The following ERBB2 variants were observed in gnomAD, a reference collection of about 807,000 sequenced individuals.
ERBB2 encodes receptor tyrosine-protein kinase erbB-2.
ERBB2 carries 61 observed loss-of-function variants against 149.0 expected under a neutral mutation model. The ratio of observed to expected loss-of-function variants is 0.41; its 90% CI spans 0.33 to 0.51. The LOEUF (loss-of-function observed/expected upper bound fraction) is 0.51, where lower values mean the gene tolerates loss of function less well. Ranked by LOEUF, ERBB2 falls within the 20% of genes least tolerant of loss-of-function variation. ERBB2 has a pLI of 0.25. For missense variants in ERBB2, 1,205 were observed against 1,655.1 expected (o/e 0.73, Z 4.72); for synonymous variants, 633 against 678.8 (o/e 0.93, Z 1.05).
At chr17:39,694,219 AAAAAAAAATATATATATATAT>A (rs2057784635), upstream of ERBB2, among the ~76,000 whole-genome samples, 12 of 41,280 alleles carry the variant, frequency 2.9e-4, 1 homozygote, top group African/African-American at 1.6e-3. Flanking sequence ...AAAAAAAAAA[AAAAAAAAATATATATATATAT>A]ATATATATAT....
chr17:39,719,850 AG>A lies in ERBB2; in HGVS notation c.1946+18del, dbSNP rs564872635. 51 of 1,613,790 alleles carry A rather than the reference AG, an allele frequency of 3.2e-5. No homozygotes were observed. The South Asian group carries it at 5.3e-4, about 17-fold the overall frequency. Reference sequence around the variant, plus strand: ...AGAGAGCCAGGTTGGCCTGGACCCCAGGATGTACCCTTCATTGCCCTTCACT... The same window carrying A: ...AGAGAGCCAGGTTGGCCTGGACCCCAGATGTACCCTTCATTGCCCTTCACT... On this transcript the variant is annotated intron_variant, in intron 16 of 26. Coordinates refer to ENST00000269571, the MANE Select transcript of ERBB2 (RefSeq NM_004448.4).
In ERBB2 at chr17:39,727,197, T is replaced by G. The variant is rs2059817932; in HGVS notation, c.3160-98T>G. On this transcript the variant is annotated intron_variant, in intron 25 of 26. Transcript: ENST00000269571. This position sits in a 1 kb window ranked among gnomAD's most constrained non-coding sequence, Gnocchi z 4.3. ...CGGTGACTGTGTCATACCCCAAAGG[T>G]GACCTCTGTTTTTCTCCTGTGACCC... The G allele has an allele frequency of 1.4e-6, 2 of 1,456,478 alleles. No individual in the cohort carries two copies. The highest frequency in any genetic ancestry group is 1.2e-5 in the South Asian group (1 of 82,724). 90.2% of individuals were successfully genotyped at this position (1,456,478 alleles called of 1,614,324 possible).
upstream of ERBB2, among the ~76,000 whole-genome samples, chr17:39,694,243 A>ATGTGTG (rs1555612000): frequency 3.1e-5 from 1 of 32,568 alleles, no homozygotes; most frequent in Non-Finnish European, 6.8e-5. Flanking sequence ...ATATATATAT[A>ATGTGTG]TATATATATA....
chr17:39,723,795 A>G lies in ERBB2; in HGVS notation c.2209-117A>G. On this transcript the variant is annotated intron_variant, in intron 18 of 26. Transcript: ENST00000269571. The surrounding 1 kb of genome is among the most constrained non-coding windows in gnomAD (Gnocchi z 6.2). Reference sequence around the variant, plus strand: ...GGAGGGCAGTTACAGCGGAGAAGGGAGCGGGGCCAAGCCCTAGGGTGGTGA... The same window carrying G: ...GGAGGGCAGTTACAGCGGAGAAGGGGGCGGGGCCAAGCCCTAGGGTGGTGA... 1 of 1,478,846 alleles carries G rather than the reference A, an allele frequency of 6.8e-7. No individual in the cohort carries two copies. 91.6% of individuals were successfully genotyped at this position (1,478,846 alleles called of 1,614,324 possible).
intron 1 of ERBB2, among the ~76,000 whole-genome samples, chr17:39,700,908 C>T (rs961312763): frequency 1.3e-5 from 2 of 150,390 alleles, no homozygotes; most frequent in African/African-American, 2.4e-5. Flanking sequence ...AGGGTGGCCT[C>T]TTGCTGGGGT....
intron 9 of ERBB2, among the ~76,000 whole-genome samples, chr17:39,712,764 T>G (rs959628026): frequency 2.6e-5 from 4 of 152,090 alleles, no homozygotes; most frequent in Non-Finnish European, 5.9e-5. Context: ...CATCACTAGG[T>G]GAAGGAATAA....
In ERBB2 at chr17:39,723,325, G is replaced by T. The variant is rs1381740076; in HGVS notation, c.1953G>T (p.Leu651=). 3.7e-6 allele frequency: 6 copies of T among 1,613,842 alleles called. No individual in the cohort carries two copies. Among genetic ancestry groups the T allele is most frequent in the Non-Finnish European group, 5.1e-6 (6 of 1,179,916 alleles). ...GCPAEQRASP[L]TSIISAVVGI... is the part of the protein sequence containing the mutation. ...CCCTGGCTTCCGCCCCCAGCCCTCT[G>T]ACGTCCATCATCTCTGCGGTGGTTG... The change falls in exon 17 of 27, where the codon CTG becomes CTT. Residue 651 remains leucine, a synonymous_variant. Transcript: ENST00000269571. This position sits in a 1 kb window ranked among gnomAD's most constrained non-coding sequence, Gnocchi z 6.2.
rs2145812810 is a variant in ERBB2, at chr17:39,723,565, G to T, written c.2113G>T (p.Ala705Ser). The change falls in exon 18 of 27, where the codon GCG becomes TCG. Residue 705 changes from alanine (A) to serine (S), a missense_variant. Coordinates refer to ENST00000269571, the MANE Select transcript of ERBB2 (RefSeq NM_004448.4). This position sits in a 1 kb window ranked among gnomAD's most constrained non-coding sequence, Gnocchi z 6.2. ...ELVEPLTPSGAMPNQAQMRIL... is the reference protein window; with the variant it reads ...ELVEPLTPSGSMPNQAQMRIL... ...GGTGGAGCCGCTGACACCTAGCGGA[G>T]CGATGCCCAACCAGGCGCAGATGCG... The T allele has an allele frequency of 6.2e-7, 1 of 1,611,444 alleles. No individual in the cohort carries two copies. Among genetic ancestry groups the T allele is most frequent in the Non-Finnish European group, 8.5e-7 (1 of 1,178,844 alleles).
In ERBB2 at chr17:39,727,291, C is replaced by G. The variant is rs1267956817; in HGVS notation, c.3160-4C>G. Reference sequence around the variant, plus strand: ...CCCATCATGACTTTCTTTCTTGTCCCCAGAGTGGCGGTGGGGACCTGACAC... The same window carrying G: ...CCCATCATGACTTTCTTTCTTGTCCGCAGAGTGGCGGTGGGGACCTGACAC... On this transcript the variant is annotated splice_region_variant and splice_polypyrimidine_tract_variant and intron_variant, in intron 25 of 26. Transcript: ENST00000269571. This position sits in a 1 kb window ranked among gnomAD's most constrained non-coding sequence, Gnocchi z 4.3. 2 of 1,612,436 alleles carry G rather than the reference C, an allele frequency of 1.2e-6. No homozygotes were observed. Among genetic ancestry groups the G allele is most frequent in the Non-Finnish European group, 1.7e-6 (2 of 1,179,676 alleles).
chr17:39,721,525 C>T (rs769594167), intron 16 of ERBB2, among the ~76,000 whole-genome samples: 4 of 152,000 alleles, frequency 2.6e-5, no homozygotes, highest in Non-Finnish European at 5.9e-5. Flanking sequence ...CCACCTGCCT[C>T]GGCCTCCCAA....
intron 15 of ERBB2, among the ~76,000 whole-genome samples, chr17:39,718,155 G>A (rs750100180): frequency 1.3e-5 from 2 of 152,124 alleles, no homozygotes; most frequent in African/African-American, 2.4e-5. Flanking sequence ...CATACATATT[G>A]TTTGCAAATT....
Position 39,723,187 on chromosome 17 carries a change from G to T in ERBB2, c.1947-132G>T. ...CAAGGCAGGTTTTAGAGTAGGAGAG[G>T]GTCCAAGCCTGTGGGTCACCCTTCC... On this transcript the variant is annotated intron_variant, in intron 16 of 26. Transcript: ENST00000269571. This position sits in a 1 kb window ranked among gnomAD's most constrained non-coding sequence, Gnocchi z 6.2. 3.3e-6 allele frequency: 3 copies of T among 902,124 alleles called. No homozygotes were observed. The highest frequency in any genetic ancestry group is 5.1e-6 in the Non-Finnish European group (3 of 588,850). 55.9% of individuals were successfully genotyped at this position (902,124 alleles called of 1,614,324 possible).
chr17:39,699,686 G>GT (rs1439350695), upstream of ERBB2: 6 of 819,982 alleles, frequency 7.3e-6, no homozygotes, highest in Admixed American at 1.3e-4. Flanking sequence ...TTGGGATGGA[G>GT]TAGGATGCAA....
intron 3 of ERBB2, among the ~76,000 whole-genome samples, chr17:39,709,084 A>G (rs1323648450): frequency 1.3e-5 from 2 of 152,130 alleles, no homozygotes; most frequent in African/African-American, 4.8e-5. Flanking sequence ...TGCGGTCCAC[A>G]TGAGCATCTG....
In ERBB2 at chr17:39,715,758, C is replaced by A. The variant is rs778904008; in HGVS notation, c.1332C>A (p.Thr444=). 5.0e-6 allele frequency: 8 copies of A among 1,607,220 alleles called. No homozygotes were observed. Among genetic ancestry groups the A allele is most frequent in the Non-Finnish European group, 5.9e-6 (7 of 1,179,976 alleles). The change falls in exon 12 of 27, where the codon ACC becomes ACA. Residue 444 remains threonine (T), a synonymous_variant. Transcript: ENST00000269571. ...RILHNGAYSL[T]LQGLGISWLG... is the part of the protein sequence containing the mutation. ...CCCATAGTGGCGCCTACTCGCTGAC[C>A]CTGCAAGGGCTGGGCATCAGCTGGC...
intron 16 of ERBB2, among the ~76,000 whole-genome samples, chr17:39,720,544 G>C (rs555533612): frequency 2.0e-5 from 3 of 152,204 alleles, no homozygotes; most frequent in Non-Finnish European, 2.9e-5. Flanking sequence ...TGTGTTACAG[G>C]CTTGGTATGT....
At chr17:39,693,432 G>A (rs943697468), upstream of ERBB2, 1 of 152,068 alleles carries the variant, frequency 6.6e-6, no homozygotes, top group African/African-American at 2.4e-5. Flanking sequence ...TACAAAATGT[G>A]TGTAAATGGA....
intron 9 of ERBB2, among the ~76,000 whole-genome samples, chr17:39,714,503 TGCCTG>T (rs1414277698): frequency 3.9e-5 from 6 of 152,194 alleles, no homozygotes; most frequent in African/African-American, 1.4e-4. Context: ...TATACCACCA[TGCCTG>T]GCCAGATGAT....
chr17:39,718,123 T>C (rs1368251551), intron 15 of ERBB2, among the ~76,000 whole-genome samples: 1 of 152,242 alleles, frequency 6.6e-6, no homozygotes, highest in Non-Finnish European at 1.5e-5. Flanking sequence ...TATATTTCTT[T>C]TTAACAAATA....
Sources: allele counts gnomAD v4.1 joint callset (sites outside exome capture counted in the v4.1 genomes callset), GRCh38; gene constraint gnomAD v4.1.1; non-coding constraint Gnocchi (gnomAD v3.1); transcripts MANE v1.5; gene names NCBI Gene and HGNC (gene_info 2026-07-23, HGNC 2026-07-21).